Variants in GID4 observed in about 807,000 individuals in gnomAD.
The protein encoded by GID4 is glucose-induced degradation protein 4 homolog.
GID4 carries 7 observed loss-of-function variants against 32.4 expected under a neutral mutation model. That is an observed-to-expected ratio of 0.22 (90% CI 0.12 to 0.41). The LOEUF is 0.41. Among genes scored for constraint, GID4 ranks in the 10% least tolerant of loss-of-function variants. The probability of loss-of-function intolerance (pLI) is 1.00; values close to 1 mark genes in which losing one functional copy is unlikely to be tolerated. For synonymous variants in GID4, 166 were observed against 170.0 expected, an observed-to-expected ratio of 0.98 and a Z score of 0.18; for missense variants, 309 against 400.0, an observed-to-expected ratio of 0.77 and a Z score of 1.94.
chr17:18,039,940 C>T lies in GID4; in HGVS notation c.438+38C>T. On this transcript the variant is annotated intron_variant, in intron 1 of 5. Coordinates refer to ENST00000268719, the MANE Select transcript of GID4 (RefSeq NM_024052.5). This position sits in a 1 kb window ranked among gnomAD's most constrained non-coding sequence, Gnocchi z 5.3. The stretch of plus-strand genomic sequence containing the variant: ...CCGGGCCGGGGCCCGAGGGCCTCCT[C>T]GCGGCGCTCACGGGCCGTGCCCGCT... The T allele has an allele frequency of 6.8e-6, 9 of 1,329,974 alleles. No homozygotes were observed. The highest frequency in any genetic ancestry group is 8.7e-6 in the Non-Finnish European group (9 of 1,035,716). The allele number at this position is 1,329,974 out of a possible 1,614,324, so 82.4% of individuals were successfully genotyped here. A position where few individuals can be genotyped will look rare whatever the true frequency, so the allele number is the denominator to read the frequency against.
chr17:18,051,041 G>A (rs1332154670), intron 2 of GID4, among the ~76,000 whole-genome samples: 2 of 151,964 alleles, frequency 1.3e-5, no homozygotes, highest in South Asian at 2.1e-4. Context: ...AAAGTTTGAG[G>A]GTACCCTGTA....
intron 5 of GID4, among the ~76,000 whole-genome samples, chr17:18,063,409 CAAA>C (rs1451319331): frequency 1.3e-5 from 2 of 150,358 alleles, no homozygotes; most frequent in African/African-American, 4.9e-5. Flanking sequence ...GACTGCATCT[CAAA>C]AAAAAAGTGT....
At chr17:18,059,437 C>T (rs2044999520) in intron 4 of GID4, among the ~76,000 whole-genome samples, 1 of 152,162 alleles carries the variant, frequency 6.6e-6, no homozygotes, top group Non-Finnish European at 1.5e-5. Flanking sequence ...TTTCCCAGAG[C>T]TCAGGAAAGT....
chr17:18,039,919 G>A lies in GID4; in HGVS notation c.438+17G>A. On this transcript the variant is annotated intron_variant, in intron 1 of 5. Transcript: ENST00000268719. The surrounding 1 kb of genome is among the most constrained non-coding windows in gnomAD (Gnocchi z 5.3). ...GTGCTGCAGGTGAGCGCCGGGCCGG[G>A]CCGGGGCCCGAGGGCCTCCTCGCGG... 7.3e-7 allele frequency: 1 copy of A among 1,364,530 alleles called. No homozygotes were observed. Among genetic ancestry groups the A allele is most frequent in the Middle Eastern group, 2.5e-4 (1 of 3,962 alleles). The allele number at this position is 1,364,530 out of a possible 1,614,324, so 84.5% of individuals were successfully genotyped here. A position where few individuals can be genotyped will look rare whatever the true frequency, so the allele number is the denominator to read the frequency against.
intron 5 of GID4, 47 bp from the exon 6 acceptor site, chr17:18,065,133 G>T (rs777270507): frequency 9.3e-6 from 13 of 1,392,632 alleles, no homozygotes; most frequent in East Asian, 4.6e-5. Flanking sequence ...CTTTGCTCAG[G>T]GTGCATTAGA....
chr17:18,060,843 C>G (rs1472567518), intron 4 of GID4, among the ~76,000 whole-genome samples: 8 of 152,198 alleles, frequency 5.3e-5, no homozygotes, highest in Non-Finnish European at 1.2e-4. Context: ...AAGCAATTCT[C>G]CTGCCTCAGC....
chr17:18,061,096 G>C lies in GID4; in HGVS notation c.709-749G>C, dbSNP rs1487721444. 6.6e-6 allele frequency among the ~76,000 whole-genome samples: 1 copy of C among 152,180 alleles called. No individual in the cohort carries two copies. Among genetic ancestry groups the C allele is most frequent in the Non-Finnish European group, 1.5e-5 (1 of 68,040 alleles). On this transcript the variant is annotated intron_variant, in intron 4 of 5. Coordinates refer to ENST00000268719, the MANE Select transcript of GID4 (RefSeq NM_024052.5). This position sits in a 1 kb window ranked among gnomAD's most constrained non-coding sequence, Gnocchi z 4.4. Reference sequence around the variant, plus strand: ...GAAGTTGAATAAGGAATGGGAGGGTGTCTTAAATTTGTTTAAAAAGCAATG... The same window carrying C: ...GAAGTTGAATAAGGAATGGGAGGGTCTCTTAAATTTGTTTAAAAAGCAATG...
intron 1 of GID4, among the ~76,000 whole-genome samples, chr17:18,041,388 C>T (rs2044802103): frequency 1.3e-5 from 2 of 152,222 alleles, no homozygotes; most frequent in South Asian, 2.1e-4. Context: ...TATTCTCATA[C>T]TGCTTTGTGG....
At position 18,039,998 on chromosome 17, in the gene GID4, C is replaced by T; in HGVS notation, c.438+96C>T. ...CTCGACCCCGCAGCCGCGGAACAGG[C>T]CCTCGCCGCCGGGGCCTCCTGCACC... On this transcript the variant is annotated intron_variant, in intron 1 of 5. Transcript: ENST00000268719. The surrounding 1 kb of genome is among the most constrained non-coding windows in gnomAD (Gnocchi z 5.3). 1.6e-6 allele frequency: 2 copies of T among 1,254,646 alleles called. No individual in the cohort carries two copies. Among genetic ancestry groups the T allele is most frequent in the Non-Finnish European group, 2.0e-6 (2 of 997,060 alleles). The allele number at this position is 1,254,646 out of a possible 1,614,324, so 77.7% of individuals were successfully genotyped here. A position where few individuals can be genotyped will look rare whatever the true frequency, so the allele number is the denominator to read the frequency against.
At chr17:18,051,092 T>C (rs1397824833) in intron 2 of GID4, among the ~76,000 whole-genome samples, 1 of 152,190 alleles carries the variant, frequency 6.6e-6, no homozygotes, top group Non-Finnish European at 1.5e-5. Context: ...TACAAAGAAG[T>C]CAATGCAGAA....
chr17:18,045,635 C>T (rs1410524192), intron 2 of GID4, among the ~76,000 whole-genome samples: 1 of 151,944 alleles, frequency 6.6e-6, no homozygotes, highest in African/African-American at 2.4e-5. Flanking sequence ...TGGCTCATGC[C>T]TGTAATCGCA....
At chr17:18,056,739 G>T in intron 3 of GID4, 1 of 1,550,636 alleles carries the variant, frequency 6.4e-7, no homozygotes, top group South Asian at 1.2e-5. Context: ...GACTCTGCTA[G>T]ACTGGACTGA....
intron 4 of GID4, among the ~76,000 whole-genome samples, chr17:18,060,955 A>G (rs1420743027): frequency 6.6e-6 from 1 of 152,100 alleles, no homozygotes; most frequent in African/African-American, 2.4e-5. Flanking sequence ...GGCTGGTCTC[A>G]AACTCCTGAC....
chr17:18,059,012 G>A, intron 4 of GID4, 43 bp downstream of exon 4: 1 of 1,141,210 alleles, frequency 8.8e-7, no homozygotes, highest in Non-Finnish European at 1.3e-6. Context: ...CAGCAAGCCA[G>A]GCCCTGTATC....
At chr17:18,056,377 G>GT (rs1447921791) in intron 3 of GID4, among the ~76,000 whole-genome samples, 2 of 152,208 alleles carry the variant, frequency 1.3e-5, no homozygotes, top group African/African-American at 4.8e-5. Context: ...AGCCCAAGTG[G>GT]TGTATGAAGG....
At chr17:18,058,365 G>A (rs1014185811) in intron 3 of GID4, among the ~76,000 whole-genome samples, 17 of 152,102 alleles carry the variant, frequency 1.1e-4, no homozygotes, top group Non-Finnish European at 2.1e-4. Context: ...CGCAGATATC[G>A]AAGGACAAGG....
At chr17:18,045,423 G>A (rs2044843088) in intron 2 of GID4, among the ~76,000 whole-genome samples, 1 of 152,126 alleles carries the variant, frequency 6.6e-6, no homozygotes, top group African/African-American at 2.4e-5. Context: ...AAGTTTATAA[G>A]TACATCATAA....
intron 1 of GID4, among the ~76,000 whole-genome samples, 174 bp downstream of exon 1, chr17:18,040,076 C>G (rs2044776758): frequency 6.6e-6 from 1 of 152,124 alleles, no homozygotes. Context: ...TCTCCGAGCC[C>G]CAGCCCTGAC....
In GID4 at chr17:18,056,615, G is replaced by A. The variant is rs2044969676; in HGVS notation, c.607-2253G>A. The A allele has an allele frequency of 3.9e-5, 51 of 1,323,812 alleles. 1 individual carries two copies. The South Asian group carries it at 7.2e-4, about 19-fold the overall frequency. The allele number at this position is 1,323,812 out of a possible 1,614,324, so 82.0% of individuals were successfully genotyped here. On this transcript the variant is annotated intron_variant, in intron 3 of 5. Coordinates refer to ENST00000268719, the MANE Select transcript of GID4 (RefSeq NM_024052.5). ...GTCCTGCAAAAAGCAAAGTCTTTGAGGCCCAGTGACACTCAGTTTTAGGCT... is the reference window on the plus strand; with the variant it reads ...GTCCTGCAAAAAGCAAAGTCTTTGAAGCCCAGTGACACTCAGTTTTAGGCT...
Sources: allele counts gnomAD v4.1 joint callset (sites outside exome capture counted in the v4.1 genomes callset), GRCh38; gene constraint gnomAD v4.1.1; non-coding constraint Gnocchi (gnomAD v3.1); transcripts MANE v1.5; gene names NCBI Gene and HGNC (gene_info 2026-07-23, HGNC 2026-07-21).